The following CACNA1E variants were observed in gnomAD, a reference collection of about 807,000 sequenced individuals.
The protein encoded by CACNA1E is calcium voltage-gated channel subunit alpha1 E.
A neutral mutation model predicts 259.2 loss-of-function variants in CACNA1E; 40 were observed. The ratio of observed to expected loss-of-function variants is 0.15; its 90% CI spans 0.12 to 0.20. The LOEUF is 0.20. Ranked by LOEUF, CACNA1E falls within the 10% of genes least tolerant of loss-of-function variation. The probability of loss-of-function intolerance (pLI) is 1.00; values close to 1 mark genes in which losing one functional copy is unlikely to be tolerated. For missense variants in CACNA1E, 1,874 were observed against 3,040.1 expected (o/e 0.62, Z 9.02); for synonymous variants, 1,104 against 1,138.5 (o/e 0.97, Z 0.61).
chr1:181,512,744 G>A (rs1405528710), intron 3 of CACNA1E, among the ~76,000 whole-genome samples: 2 of 152,312 alleles, frequency 1.3e-5, no homozygotes, highest in Non-Finnish European at 2.9e-5. Flanking sequence ...ATGGGAAATG[G>A]ATAAATAGAC....
At chr1:181,669,670 CCAGTAAATGGCCT>C (rs1272580279) in intron 7 of CACNA1E, among the ~76,000 whole-genome samples, 12 of 152,162 alleles carry the variant, frequency 7.9e-5, no homozygotes. Flanking sequence ...CAGTAAGCTC[CCAGTAAATGGCCT>C]CAAGTGAACA....
intron 7 of CACNA1E, among the ~76,000 whole-genome samples, chr1:181,684,847 T>C (rs1399856442): frequency 6.6e-6 from 1 of 151,498 alleles, no homozygotes; most frequent in Admixed American, 6.6e-5. Flanking sequence ...AAGATGGATG[T>C]TCTTCCTAAA....
rs762081741 is a variant in CACNA1E at position 181,468,461 on chromosome 1, G to A, written c.435-15283G>A. Among the ~76,000 whole-genome samples the A allele has an allele frequency of 5.3e-5, 8 of 152,108 alleles. No homozygotes were observed. In the South Asian group the frequency reaches 8.3e-4, roughly 16 times the overall value. The stretch of plus-strand genomic sequence containing the variant: ...GTCCATGTCCTGCTTGTGTCCATTT[G>A]GCTTTGTTTATAGTTTCCATTCATT... On this transcript the variant is annotated intron_variant, in intron 2 of 11. Coordinates refer to the CACNA1E transcript ENST00000524607.
intron 7 of CACNA1E, among the ~76,000 whole-genome samples, chr1:181,687,542 G>A (rs1650704782): frequency 6.6e-6 from 1 of 152,122 alleles, no homozygotes; most frequent in Admixed American, 6.5e-5. Flanking sequence ...GAGCCCCAGA[G>A]GCTCACCTCT....
chr1:181,762,288 GA>G (rs940846693), intron 32 of CACNA1E, among the ~76,000 whole-genome samples: 6 of 152,090 alleles, frequency 3.9e-5, no homozygotes, highest in East Asian at 1.9e-4. Context: ...AATAAAAATT[GA>G]AAAAAACTTT....
At chr1:181,448,806 G>A (rs954885198) in intron 2 of CACNA1E, among the ~76,000 whole-genome samples, 7 of 152,206 alleles carry the variant, frequency 4.6e-5, no homozygotes, top group African/African-American at 1.7e-4. Flanking sequence ...CAGGTGGAGG[G>A]CATACCAGTC....
chr1:181,732,410 T>C lies in CACNA1E; in HGVS notation c.2324T>C (p.Met775Thr), dbSNP rs1270232331. 17 of 1,540,976 alleles carry C rather than the reference T, an allele frequency of 1.1e-5. No individual in the cohort carries two copies. Among genetic ancestry groups the C allele is most frequent in the Non-Finnish European group, 1.3e-5 (15 of 1,142,138 alleles). Residue 775 changes from methionine to threonine, a missense_variant, in exon 20 of 48, where the codon ATG (methionine) becomes ACG (threonine). Transcript: ENST00000367573. This position sits in a 1 kb window ranked among gnomAD's most constrained non-coding sequence, Gnocchi z 5.5. ...HLRERRRRHH[M>T]SVWEQRTSQL... ...AGGGAGCGGAGGCGCCGGCACCACA[T>C]GTCCGTGTGGGAGCAGCGTACCAGC... is the stretch of plus-strand genomic sequence containing the variant.
intron 8 of CACNA1E, among the ~76,000 whole-genome samples, chr1:181,713,502 G>A (rs761222083): frequency 7.2e-5 from 11 of 152,066 alleles, no homozygotes; most frequent in Non-Finnish European, 1.2e-4. Flanking sequence ...ATGGCCATCC[G>A]GTGAGTACCA....
At chr1:181,374,603 T>G (rs1557952072) in intron 1 of CACNA1E, among the ~76,000 whole-genome samples, 1 of 123,442 alleles carries the variant, frequency 8.1e-6, no homozygotes, top group Non-Finnish European at 1.8e-5. Context: ...GCTGGGACTG[T>G]AGGTATGTAC....
rs556825732 is a variant in CACNA1E at position 181,452,638 on chromosome 1, C to T, written c.435-31106C>T. ...AAGGTTTCCCCCAAGGAAGCATTTC[C>T]CAATGTGGAAAAACCTACTCTATGC... On this transcript the variant is annotated intron_variant, in intron 2 of 11. Coordinates refer to the CACNA1E transcript ENST00000524607. 2.0e-5 allele frequency among the ~76,000 whole-genome samples: 3 copies of T among 152,294 alleles called. No homozygotes were observed. In the East Asian group the frequency reaches 5.8e-4, roughly 29 times the overall value.
Position 181,579,054 on chromosome 1 carries a change from C to T in CACNA1E, c.617-18C>T. The T allele has an allele frequency of 6.3e-7, 1 of 1,590,386 alleles. No individual in the cohort carries two copies. Among genetic ancestry groups the T allele is most frequent in the South Asian group, 1.2e-5 (1 of 86,108 alleles). Reference sequence around the variant, plus strand: ...CTGAGGGACAGCTGCATTGGTCATTCTCTGTCCTTCCTTCTAGGCCTGCAG... The same window carrying T: ...CTGAGGGACAGCTGCATTGGTCATTTTCTGTCCTTCCTTCTAGGCCTGCAG... On this transcript the variant is annotated intron_variant, in intron 4 of 47. Coordinates refer to ENST00000367573, the MANE Select transcript of CACNA1E (RefSeq NM_001205293.3).
rs371340845 is a variant in CACNA1E, at chr1:181,510,590, A to G, written c.372+8A>G. On this transcript the variant is annotated splice_region_variant and intron_variant, in intron 2 of 47. Coordinates refer to ENST00000367573, the MANE Select transcript of CACNA1E (RefSeq NM_001205293.3). Reference sequence around the variant, plus strand: ...CCCATGTCCCGAAGACTGGTATGTGATTCCCCTCCTTCTCCCCTTTGCCCC... The same window carrying G: ...CCCATGTCCCGAAGACTGGTATGTGGTTCCCCTCCTTCTCCCCTTTGCCCC... The G allele has an allele frequency of 3.8e-5, 59 of 1,541,060 alleles. No homozygotes were observed. The highest frequency in any genetic ancestry group is 4.8e-5 in the Non-Finnish European group (53 of 1,113,552).
intron 1 of CACNA1E, among the ~76,000 whole-genome samples, chr1:181,388,678 C>T (rs932498773): frequency 3.9e-5 from 6 of 152,060 alleles, no homozygotes; most frequent in Non-Finnish European, 8.8e-5. Context: ...CACCTGAGGT[C>T]GGGAGTTTGA....
chr1:181,768,567 C>T (rs1659220905), intron 35 of CACNA1E, among the ~76,000 whole-genome samples: 2 of 152,214 alleles, frequency 1.3e-5, no homozygotes, highest in South Asian at 4.1e-4. Context: ...ACCAGACAAG[C>T]AGACACAAGT....
intron 37 of CACNA1E, among the ~76,000 whole-genome samples, chr1:181,775,108 A>G (rs545678413): frequency 6.6e-6 from 1 of 152,300 alleles, no homozygotes; most frequent in South Asian, 2.1e-4. Context: ...ATTTTCACAC[A>G]TTTAAGAGCA....
intron 27 of CACNA1E, among the ~76,000 whole-genome samples, chr1:181,753,759 A>C (rs1259932965): frequency 6.6e-6 from 1 of 152,192 alleles, no homozygotes; most frequent in Non-Finnish European, 1.5e-5. Context: ...TTCAGGCCTC[A>C]TAGCACTGCT....
intron 2 of CACNA1E, among the ~76,000 whole-genome samples, chr1:181,417,670 CT>C (rs1292905020): frequency 4.6e-5 from 7 of 152,200 alleles, no homozygotes; most frequent in Non-Finnish European, 1.0e-4. Flanking sequence ...TCTATTCACT[CT>C]CACACTCCTC....
intron 3 of CACNA1E, among the ~76,000 whole-genome samples, chr1:181,522,505 C>T (rs1215668726): frequency 1.3e-5 from 2 of 152,172 alleles, no homozygotes; most frequent in Non-Finnish European, 2.9e-5. Context: ...AAAGATCAAG[C>T]CAACCCACAT....
chr1:181,366,989 C>CT (rs1409400038), intron 1 of CACNA1E, among the ~76,000 whole-genome samples: 1 of 152,162 alleles, frequency 6.6e-6, no homozygotes, highest in African/African-American at 2.4e-5. Context: ...TTTTGTGATT[C>CT]TGTGTCTGTG....
Sources: gnomAD v4.1 joint callset for allele counts (sites outside exome capture counted in the v4.1 genomes callset) on GRCh38, gnomAD v4.1.1 for gene constraint, Gnocchi (gnomAD v3.1) non-coding constraint, MANE v1.5 for transcripts, NCBI Gene and HGNC (gene_info 2026-07-23, HGNC 2026-07-21) for gene names.